Variants in DPYS observed in about 807,000 individuals in gnomAD.
The protein encoded by DPYS is dihydropyrimidine amidohydrolase.
DPYS carries 39 observed loss-of-function variants against 50.3 expected under a neutral mutation model. That is an observed-to-expected ratio of 0.78 (90% CI 0.60 to 1.01). DPYS has a LOEUF of 1.01. Ranked by LOEUF, DPYS falls within the 50% of genes least tolerant of loss-of-function variation. DPYS has a pLI of 0.00. For synonymous variants in DPYS, 245 were observed against 250.7 expected, an observed-to-expected ratio of 0.98 and a Z score of 0.22; for missense variants, 659 against 680.9, an observed-to-expected ratio of 0.97 and a Z score of 0.36.
chr8:104,433,901 T>A (rs1233570931), intron 4 of DPYS, among the ~76,000 whole-genome samples: 2 of 152,128 alleles, frequency 1.3e-5, no homozygotes, highest in Non-Finnish European at 2.9e-5. Context: ...AAAATAGGAA[T>A]TCCAAAGCCT....
At chr8:104,459,951 T>C (rs945399809) in intron 1 of DPYS, among the ~76,000 whole-genome samples, 4 of 152,190 alleles carry the variant, frequency 2.6e-5, no homozygotes, top group Non-Finnish European at 5.9e-5. Context: ...TGCTCCGCCT[T>C]CCCTTGTTCT....
At chr8:104,461,568 C>T (rs564200131) in intron 1 of DPYS, among the ~76,000 whole-genome samples, 1 of 152,180 alleles carries the variant, frequency 6.6e-6, no homozygotes, top group East Asian at 1.9e-4. Context: ...AGTGGATAAA[C>T]ACTGGAGATC....
At chr8:104,402,693 G>A (rs768312792) in intron 7 of DPYS, among the ~76,000 whole-genome samples, 20 of 152,214 alleles carry the variant, frequency 1.3e-4, no homozygotes, top group Non-Finnish European at 2.5e-4. Flanking sequence ...CATCCTTCCC[G>A]AAAGTACACA....
At chr8:104,403,641 G>C (rs574462052) in intron 7 of DPYS, among the ~76,000 whole-genome samples, 60 of 152,166 alleles carry the variant, frequency 3.9e-4, no homozygotes, top group Non-Finnish European at 1.2e-4. Context: ...GGAAGAAGAT[G>C]ACCTATTTTC....
Position 104,449,181 on chromosome 8 carries a change from C to A in DPYS, c.424-1678G>T, listed in dbSNP as rs150324887. On this transcript the variant is annotated intron_variant, in intron 2 of 9. Coordinates refer to ENST00000351513, the MANE Select transcript of DPYS (RefSeq NM_001385.3). ...GGACAGTGCACCTCATTTGTTCCCC[C>A]TAACAGTTTCTAATTTTTTACAATG... Among the ~76,000 whole-genome samples, 80 of 152,242 alleles carry A rather than the reference C, an allele frequency of 5.3e-4. 1 individual carries two copies. The highest frequency in any genetic ancestry group is 4.6e-3 in the East Asian group (24 of 5,190).
Position 104,379,570 on chromosome 8 carries a change from C to G in DPYS, c.*288G>C, listed in dbSNP as rs1213243268. 5.9e-6 allele frequency: 1 copy of G among 169,252 alleles called. No individual in the cohort carries two copies. The highest frequency in any genetic ancestry group is 1.3e-5 in the Non-Finnish European group (1 of 77,680). 10.5% of individuals were successfully genotyped at this position (169,252 alleles called of 1,614,324 possible). The stretch of plus-strand genomic sequence containing the variant: ...TTTTTAAAAATTCTAAGTAAGAAAT[C>G]TAGTACAAGCAAAGATGACATTTTA... On this transcript the variant is annotated 3_prime_UTR_variant, in exon 10 of 10. Coordinates refer to ENST00000351513, the MANE Select transcript of DPYS (RefSeq NM_001385.3).
At chr8:104,396,610 G>C (rs947115702) in intron 7 of DPYS, among the ~76,000 whole-genome samples, 2 of 152,144 alleles carry the variant, frequency 1.3e-5, no homozygotes, top group Non-Finnish European at 2.9e-5. Context: ...TGGTGATAGA[G>C]AGTATGTACA....
chr8:104,409,551 C>T (rs1304439703), intron 7 of DPYS, among the ~76,000 whole-genome samples: 1 of 151,808 alleles, frequency 6.6e-6, no homozygotes, highest in Non-Finnish European at 1.5e-5. Context: ...AATGTATAAA[C>T]AAGGATGAAA....
At chr8:104,439,161 C>T (rs914138359) in intron 4 of DPYS, among the ~76,000 whole-genome samples, 6 of 151,746 alleles carry the variant, frequency 4.0e-5, no homozygotes, top group Non-Finnish European at 7.4e-5. Flanking sequence ...AAACTCAGGA[C>T]GTGAGAAGTT....
intron 1 of DPYS, among the ~76,000 whole-genome samples, chr8:104,460,078 T>C (rs1464006405): frequency 6.6e-6 from 1 of 152,312 alleles, no homozygotes; most frequent in Non-Finnish European, 1.5e-5. Flanking sequence ...TGAATCTCTC[T>C]TTTGTCAGTT....
intron 6 of DPYS, among the ~76,000 whole-genome samples, chr8:104,427,640 C>G (rs1244330028): frequency 6.6e-6 from 1 of 151,894 alleles, no homozygotes; most frequent in African/African-American, 2.4e-5. Flanking sequence ...CACTGGAATT[C>G]AAGAGCATGA....
chr8:104,383,106 C>T (rs1466201187), intron 8 of DPYS, among the ~76,000 whole-genome samples: 1 of 152,200 alleles, frequency 6.6e-6, no homozygotes, highest in Non-Finnish European at 1.5e-5. Context: ...TGCTCTACAG[C>T]CTGCTCTATC....
chr8:104,425,423 TG>T (rs1252964081), intron 6 of DPYS, among the ~76,000 whole-genome samples: 2 of 151,870 alleles, frequency 1.3e-5, no homozygotes, highest in Non-Finnish European at 2.9e-5. Context: ...CAATTACTTT[TG>T]CACCAACCTA....
intron 7 of DPYS, among the ~76,000 whole-genome samples, chr8:104,404,049 A>T (rs1171258956): frequency 6.6e-6 from 1 of 152,210 alleles, no homozygotes; most frequent in Admixed American, 6.5e-5. Flanking sequence ...TAATAGGCAT[A>T]ACAAATATTT....
rs576279893 is a variant in DPYS at position 104,419,041 on chromosome 8, C to T, written c.1235+5206G>A. The stretch of plus-strand genomic sequence containing the variant: ...CTCTAAGAGCTCTGCTTAACAAACT[C>T]GTTGCTCCAACCTAAAAAATGAAGG... On this transcript the variant is annotated intron_variant, in intron 7 of 9. Coordinates refer to ENST00000351513, the MANE Select transcript of DPYS (RefSeq NM_001385.3). 2.1e-4 allele frequency: 209 copies of T among 985,432 alleles called. 3 individuals are homozygous for T. In the South Asian group the frequency reaches 8.4e-3, roughly 39 times the overall value. The allele number at this position is 985,432 out of a possible 1,614,324, so 61.0% of individuals were successfully genotyped here.
intron 4 of DPYS, among the ~76,000 whole-genome samples, chr8:104,439,398 A>G (rs1006655599): frequency 6.6e-6 from 1 of 152,230 alleles, no homozygotes; most frequent in African/African-American, 2.4e-5. Flanking sequence ...ATCTTTTAAT[A>G]ATGATAAAAA....
chr8:104,466,679 T>C lies in DPYS; in HGVS notation c.242A>G (p.Asp81Gly), dbSNP rs951179754. The C allele has an allele frequency of 2.6e-6, 4 of 1,525,206 alleles. No individual in the cohort carries two copies. The highest frequency in any genetic ancestry group is 3.5e-6 in the Non-Finnish European group (4 of 1,140,010). The allele number at this position is 1,525,206 out of a possible 1,614,324, so 94.5% of individuals were successfully genotyped here. A position where few individuals can be genotyped will look rare whatever the true frequency, so the allele number is the denominator to read the frequency against. Reference sequence around the variant, plus strand: ...TACCTTGGTGCCCTGGTGGAAGTCGTCGATGGACCGCGAGCCCATGAAGGG... The same window carrying C: ...TACCTTGGTGCCCTGGTGGAAGTCGCCGATGGACCGCGAGCCCATGAAGGG... ...QFPFMGSRSI[D>G]DFHQGTKAAL... The change falls in exon 1 of 10, where the codon GAC (aspartate) becomes GGC (glycine). Residue 81 changes from aspartate (D) to glycine (G), a missense_variant. Asp to Gly is a moderately conservative substitution (Grantham distance 94, BLOSUM62 -1). Coordinates refer to ENST00000351513, the MANE Select transcript of DPYS (RefSeq NM_001385.3).
Position 104,392,934 on chromosome 8 carries a change from C to G in DPYS, c.1293G>C (p.Met431Ile), listed in dbSNP as rs371134108. Reference protein sequence around the residue: ...QAVNFNIFEGMVCHGVPLVTI... With the variant: ...QAVNFNIFEGIVCHGVPLVTI... ...TCACAAGGGGCACCCCGTGGCAAAC[C>G]ATGCCCTCGAAAATGTTGAAGTTAA... The change falls in exon 8 of 10, where the codon ATG becomes ATC. Residue 431 changes from methionine (M) to isoleucine (I), a missense_variant. By Grantham distance (10) the Met-to-Ile change is conservative. Coordinates refer to ENST00000351513, the MANE Select transcript of DPYS (RefSeq NM_001385.3). 4.8e-5 allele frequency: 78 copies of G among 1,614,092 alleles called. No homozygotes were observed. The highest frequency in any genetic ancestry group is 6.4e-5 in the Non-Finnish European group (75 of 1,180,048).
At chr8:104,393,587 C>T (rs956593214) in intron 7 of DPYS, among the ~76,000 whole-genome samples, 44 of 152,114 alleles carry the variant, frequency 2.9e-4, no homozygotes, top group Admixed American at 1.2e-3. Flanking sequence ...TAATAAAATA[C>T]GTTGGAATAT....
Sources: allele counts gnomAD v4.1 joint callset (sites outside exome capture counted in the v4.1 genomes callset), GRCh38; gene constraint gnomAD v4.1.1; transcripts MANE v1.5; gene names NCBI Gene and HGNC (gene_info 2026-07-23, HGNC 2026-07-21).